Variants in PDE4B observed in about 807,000 individuals in gnomAD.
The protein encoded by PDE4B is phosphodiesterase 4B.
Under a neutral mutation model 82.2 loss-of-function variants are expected in PDE4B, and 20 were observed. The ratio of observed to expected loss-of-function variants is 0.24; its 90% confidence interval spans 0.17 to 0.35. PDE4B has a LOEUF of 0.35. PDE4B is among the 10% of genes least tolerant of loss of function. The pLI is 1.00. For missense variants in PDE4B, 655 were observed against 907.2 expected (o/e 0.72, Z 3.57); for synonymous variants, 320 against 318.9 (o/e 1.00, Z -0.04).
At chr1:66,348,343 GA>G (rs891371470) in intron 8 of PDE4B, among the ~76,000 whole-genome samples, 3 of 152,040 alleles carry the variant, frequency 2.0e-5, no homozygotes, top group African/African-American at 7.2e-5. Flanking sequence ...GTCATCTGTT[GA>G]AAAAGGTTTC....
intron 3 of PDE4B, among the ~76,000 whole-genome samples, chr1:66,183,583 T>TTTTTAC (rs1647118023): frequency 6.6e-6 from 1 of 152,212 alleles, no homozygotes; most frequent in South Asian, 2.1e-4. Context: ...TGAATCTGTA[T>TTTTTAC]AGCACTTTAA....
At chr1:66,116,850 C>G (rs1645605415) in intron 3 of PDE4B, among the ~76,000 whole-genome samples, 1 of 152,064 alleles carries the variant, frequency 6.6e-6, no homozygotes, top group Non-Finnish European at 1.5e-5. Flanking sequence ...CGTGGGTGAG[C>G]CACCGCACCT....
chr1:65,918,900 TTCATA>T, intron 3 of PDE4B, 65 bp downstream of exon 3: 3 of 983,440 alleles, frequency 3.1e-6, no homozygotes, highest in Non-Finnish European at 4.9e-6. Context: ...CAAATACAAT[TTCATA>T]GTATTAAAAT....
intron 3 of PDE4B, among the ~76,000 whole-genome samples, chr1:65,942,177 C>T (rs1648482326): frequency 6.6e-6 from 1 of 151,984 alleles, no homozygotes; most frequent in Admixed American, 6.6e-5. Flanking sequence ...TTTTCATTCT[C>T]CAGACACACC....
At chr1:65,915,583 CA>C (rs1369479266) in intron 2 of PDE4B, among the ~76,000 whole-genome samples, 1 of 152,132 alleles carries the variant, frequency 6.6e-6, no homozygotes, top group Admixed American at 6.5e-5. Flanking sequence ...ACAACAGCAA[CA>C]AAACCTTGAC....
chr1:66,029,246 A>G (rs1653625748), intron 3 of PDE4B, among the ~76,000 whole-genome samples: 1 of 152,214 alleles, frequency 6.6e-6, no homozygotes, highest in Admixed American at 6.5e-5. Context: ...ATTTCGTGAG[A>G]CATATTCACT....
At chr1:66,322,954 C>T (rs1659512277) in intron 7 of PDE4B, among the ~76,000 whole-genome samples, 1 of 152,082 alleles carries the variant, frequency 6.6e-6, no homozygotes, top group Admixed American at 6.6e-5. Context: ...ATATCAAACT[C>T]GTGTATGTCT....
intron 7 of PDE4B, among the ~76,000 whole-genome samples, chr1:66,330,456 T>C (rs1660026997): frequency 6.6e-6 from 1 of 152,232 alleles, no homozygotes; most frequent in Admixed American, 6.5e-5. Context: ...CCTTTTTTCC[T>C]CTGCATGAAG....
intron 3 of PDE4B, among the ~76,000 whole-genome samples, chr1:66,109,911 CTCT>C (rs1165003221): frequency 1.3e-5 from 2 of 151,850 alleles, no homozygotes; most frequent in African/African-American, 4.8e-5. Flanking sequence ...ATTAGTGGAA[CTCT>C]TCTTAAAATG....
chr1:65,798,810 AAT>A (rs1321173356), intron 1 of PDE4B, among the ~76,000 whole-genome samples: 1 of 152,258 alleles, frequency 6.6e-6, no homozygotes, highest in East Asian at 1.9e-4. Context: ...TAAGTTAATT[AAT>A]ATTACTGTAA....
chr1:65,968,943 T>G, intron 3 of PDE4B, among the ~76,000 whole-genome samples: 1 of 152,172 alleles, frequency 6.6e-6, no homozygotes, highest in East Asian at 1.9e-4. Context: ...ATAATTATAT[T>G]AAAATATTCA....
At chr1:65,932,005 A>G (rs1339762092) in intron 3 of PDE4B, among the ~76,000 whole-genome samples, 2 of 152,184 alleles carry the variant, frequency 1.3e-5, no homozygotes, top group Non-Finnish European at 2.9e-5. Flanking sequence ...GAGCAAGAAA[A>G]TGAAAAATCC....
chr1:65,898,616 G>T (rs1485836132), intron 1 of PDE4B, among the ~76,000 whole-genome samples: 1 of 151,922 alleles, frequency 6.6e-6, no homozygotes, highest in Non-Finnish European at 1.5e-5. Context: ...ATAAAAATAG[G>T]CACACAGGCC....
chr1:66,121,025 T>C (rs1478119701), intron 3 of PDE4B, among the ~76,000 whole-genome samples: 1 of 152,210 alleles, frequency 6.6e-6, no homozygotes, highest in Non-Finnish European at 1.5e-5. Context: ...AACAGGTATG[T>C]ATTTTAAATG....
rs987925170 is a variant in PDE4B, at chr1:66,330,288, G to T, written c.635-2220G>T. On this transcript the variant is annotated intron_variant, in intron 7 of 16. Coordinates refer to ENST00000341517, the MANE Select transcript of PDE4B (RefSeq NM_002600.4). ...CATTACCTGTTCACCCACATCTCACGTTGTACCAACTCTAGAAGTACCTGA... is the reference window on the plus strand; with the variant it reads ...CATTACCTGTTCACCCACATCTCACTTTGTACCAACTCTAGAAGTACCTGA... Among the ~76,000 whole-genome samples the T allele has an allele frequency of 5.3e-5, 8 of 152,320 alleles. 2 individuals are homozygous for T. Among genetic ancestry groups the T allele is most frequent in the Admixed American group, 6.5e-5 (1 of 15,302 alleles).
intron 7 of PDE4B, among the ~76,000 whole-genome samples, chr1:66,319,140 C>T (rs1570684529): frequency 1.3e-5 from 2 of 152,132 alleles, no homozygotes; most frequent in South Asian, 2.1e-4. Context: ...TATCCAAGGT[C>T]GTGTGTGATC....
intron 3 of PDE4B, among the ~76,000 whole-genome samples, chr1:66,052,006 A>AGGT (rs10671359): frequency 0.84 from 127,317 of 151,640 alleles, 53,628 homozygotes; most frequent in Non-Finnish European, 0.87. Flanking sequence ...GGGTTTACCA[A>AGGT]GGTGGTGGGG....
At chr1:66,198,843 G>A (rs546736854) in intron 3 of PDE4B, among the ~76,000 whole-genome samples, 6 of 149,908 alleles carry the variant, frequency 4.0e-5, no homozygotes, top group East Asian at 2.0e-4. Flanking sequence ...TCCCACCTAT[G>A]AGTGAGAACA....
chr1:66,110,818 T>G (rs1645470777), intron 3 of PDE4B, among the ~76,000 whole-genome samples: 1 of 152,072 alleles, frequency 6.6e-6, no homozygotes, highest in African/African-American at 2.4e-5. Flanking sequence ...GCAACTATGA[T>G]GAGGGTGATG....
Sources: gnomAD v4.1 joint callset for allele counts (sites outside exome capture counted in the v4.1 genomes callset) on GRCh38, gnomAD v4.1.1 for gene constraint, MANE v1.5 for transcripts, NCBI Gene and HGNC (gene_info 2026-07-23, HGNC 2026-07-21) for gene names.